The following GABRB3 variants were observed in gnomAD, a reference collection of about 807,000 sequenced individuals.
The protein encoded by GABRB3 is gamma-aminobutyric acid type A receptor subunit beta3.
Under a neutral mutation model 52.1 loss-of-function variants are expected in GABRB3, and 14 were observed. The ratio of observed to expected loss-of-function variants is 0.27; its 90% CI spans 0.18 to 0.42. The LOEUF (loss-of-function observed/expected upper bound fraction) is 0.42, where lower values mean the gene tolerates loss of function less well. Ranked by LOEUF, GABRB3 falls within the 10% of genes least tolerant of loss-of-function variation. The pLI is 1.00. For missense variants in GABRB3, 307 were observed against 609.1 expected (o/e 0.50, Z 5.22); for synonymous variants, 260 against 232.3 (o/e 1.12, Z -1.08).
intron 3 of GABRB3, among the ~76,000 whole-genome samples, chr15:26,626,682 C>T (rs1254674014): frequency 6.6e-6 from 1 of 152,222 alleles, no homozygotes; most frequent in South Asian, 2.1e-4. Flanking sequence ...AATCCTGACT[C>T]TCTTCAATTC....
chr15:26,587,325 C>T (rs1396684200), intron 4 of GABRB3, among the ~76,000 whole-genome samples: 1 of 152,178 alleles, frequency 6.6e-6, no homozygotes, highest in Non-Finnish European at 1.5e-5. Flanking sequence ...AGAAAACCCT[C>T]TCAGAGTGAA....
intron 3 of GABRB3, among the ~76,000 whole-genome samples, chr15:26,681,566 T>G (rs953238219): frequency 6.6e-6 from 1 of 152,144 alleles, no homozygotes; most frequent in Non-Finnish European, 1.5e-5. Flanking sequence ...ATATATATAA[T>G]TTTCCATGTT....
At chr15:26,680,235 C>G (rs984423406) in intron 3 of GABRB3, among the ~76,000 whole-genome samples, 1 of 152,240 alleles carries the variant, frequency 6.6e-6, no homozygotes, top group Non-Finnish European at 1.5e-5. Flanking sequence ...TCAGCCTGCA[C>G]AGCAGATTTC....
intron 3 of GABRB3, among the ~76,000 whole-genome samples, chr15:26,627,378 T>TCTTTTTTTTTTTTTTTGAGACGGAGTC (rs1595495412): frequency 1.3e-5 from 1 of 77,956 alleles, no homozygotes; most frequent in East Asian, 2.5e-4. Context: ...AGTTTTATTA[T>TCTTTTTTTTTTTTTTTGAGACGGAGTC]TTAAGAAATA....
intron 3 of GABRB3, among the ~76,000 whole-genome samples, chr15:26,718,657 T>C (rs946534835): frequency 6.6e-6 from 1 of 152,204 alleles, no homozygotes; most frequent in Non-Finnish European, 1.5e-5. Flanking sequence ...CTGATCCAGA[T>C]AATCCACCTT....
chr15:26,742,494 TC>T lies in GABRB3; in HGVS notation c.240+29907del. On this transcript the variant is annotated intron_variant, in intron 3 of 8. Coordinates refer to ENST00000311550, the MANE Select transcript of GABRB3 (RefSeq NM_000814.6). ...CCTTTTAAAATGCGCAAGCTTTTGC[TC>T]CATCAGATATTTCATACGTGGCATG... 2.0e-5 allele frequency among the ~76,000 whole-genome samples: 3 copies of T among 152,346 alleles called. No individual in the cohort carries two copies. In the South Asian group the frequency reaches 6.2e-4, roughly 32 times the overall value.
At chr15:26,749,023 T>G (rs1014261068) in intron 3 of GABRB3, among the ~76,000 whole-genome samples, 2 of 151,950 alleles carry the variant, frequency 1.3e-5, no homozygotes, top group African/African-American at 4.8e-5. Flanking sequence ...AGACTCCATC[T>G]CAAAATAAAT....
chr15:26,671,723 T>C (rs1385816246), intron 3 of GABRB3, among the ~76,000 whole-genome samples: 1 of 152,330 alleles, frequency 6.6e-6, no homozygotes, highest in Admixed American at 6.5e-5. Context: ...TGACATGTTT[T>C]CAATTTACTT....
At chr15:26,665,771 T>C (rs1172319577) in intron 3 of GABRB3, among the ~76,000 whole-genome samples, 4 of 152,118 alleles carry the variant, frequency 2.6e-5, no homozygotes, top group Non-Finnish European at 4.4e-5. Flanking sequence ...GGCTTATGTG[T>C]TGTTGTTGTT....
At chr15:26,651,772 A>G (rs1423719065) in intron 3 of GABRB3, among the ~76,000 whole-genome samples, 1 of 152,192 alleles carries the variant, frequency 6.6e-6, no homozygotes. Context: ...TCACTCTGGT[A>G]CAGCATCACA....
chr15:26,625,083 T>A (rs1595493403), intron 3 of GABRB3: 1 of 479,424 alleles, frequency 2.1e-6, no homozygotes, highest in Non-Finnish European at 2.7e-6. Flanking sequence ...CTCCACTCCC[T>A]CAAACACTAG....
chr15:26,671,795 C>T (rs1051126413), intron 3 of GABRB3, among the ~76,000 whole-genome samples: 1 of 152,110 alleles, frequency 6.6e-6, no homozygotes, highest in Admixed American at 6.5e-5. Context: ...CCTCCCCTCC[C>T]CAGTGCCACG....
chr15:26,577,737 G>A (rs753817099), intron 6 of GABRB3, among the ~76,000 whole-genome samples: 1 of 152,164 alleles, frequency 6.6e-6, no homozygotes, highest in Non-Finnish European at 1.5e-5. Context: ...CTACCGCCTG[G>A]TGACATCATA....
intron 3 of GABRB3, among the ~76,000 whole-genome samples, chr15:26,660,260 G>A (rs188101903): frequency 6.6e-6 from 1 of 151,754 alleles, no homozygotes; most frequent in Non-Finnish European, 1.5e-5. Context: ...GAAAATATAC[G>A]TGTAAATGTG....
chr15:26,764,236 A>G (rs1239632981), intron 3 of GABRB3, among the ~76,000 whole-genome samples: 7 of 122,298 alleles, frequency 5.7e-5, no homozygotes, highest in Non-Finnish European at 6.6e-5. Context: ...ATATATATAT[A>G]GTGTCATGAA....
chr15:26,608,197 T>C (rs1463113619), intron 4 of GABRB3, among the ~76,000 whole-genome samples: 1 of 151,202 alleles, frequency 6.6e-6, no homozygotes, highest in Non-Finnish European at 1.5e-5. Context: ...TTGCCAAGAA[T>C]ATGCAATGGG....
chr15:26,593,772 T>G, intron 4 of GABRB3, among the ~76,000 whole-genome samples: 1 of 152,010 alleles, frequency 6.6e-6, no homozygotes, highest in East Asian at 1.9e-4. Context: ...AATCCCACTA[T>G]AAACATTGGC....
intron 3 of GABRB3, among the ~76,000 whole-genome samples, chr15:26,693,443 T>G (rs896758804): frequency 1.2e-4 from 19 of 152,168 alleles, no homozygotes; most frequent in Non-Finnish European, 2.1e-4. Flanking sequence ...CATGTGCCCT[T>G]GTTGGCCTGG....
At chr15:26,557,344 G>A (rs1002610002) in intron 8 of GABRB3, among the ~76,000 whole-genome samples, 3 of 152,186 alleles carry the variant, frequency 2.0e-5, no homozygotes, top group Admixed American at 1.3e-4. Flanking sequence ...TTACCTGGGT[G>A]AGGAAATAAT....
Sources: allele counts gnomAD v4.1 joint callset (sites outside exome capture counted in the v4.1 genomes callset), GRCh38; gene constraint gnomAD v4.1.1; transcripts MANE v1.5; gene names NCBI Gene and HGNC (gene_info 2026-07-23, HGNC 2026-07-21).